The following DTNB variants were observed in gnomAD, a reference collection of about 807,000 sequenced individuals.
DTNB encodes DTN-B.
A neutral mutation model predicts 90.7 loss-of-function variants in DTNB; 63 were observed. The ratio of observed to expected loss-of-function variants is 0.69; its 90% confidence interval spans 0.57 to 0.86. The LOEUF (loss-of-function observed/expected upper bound fraction) is 0.86. Among genes scored for constraint, DTNB ranks in the 40% least tolerant of loss-of-function variants. The probability of loss-of-function intolerance (pLI) is 0.00; values close to 1 mark genes in which losing one functional copy is unlikely to be tolerated. For missense variants in DTNB, 744 were observed against 807.1 expected (o/e 0.92, Z 0.95); for synonymous variants, 277 against 286.7 (o/e 0.97, Z 0.34).
intron 4 of DTNB, among the ~76,000 whole-genome samples, chr2:25,611,945 C>CTT (rs1487580699): frequency 1.3e-5 from 2 of 152,108 alleles, no homozygotes; most frequent in African/African-American, 4.8e-5. Context: ...GTAATTCTTT[C>CTT]TTTCTCTCTA....
chr2:25,638,905 A>G (rs1428106039), intron 3 of DTNB, 109 bp downstream of exon 3: 2 of 1,131,590 alleles, frequency 1.8e-6, no homozygotes, highest in Non-Finnish European at 2.4e-6. Flanking sequence ...TAAATACTTA[A>G]GACAAAAATA....
intron 3 of DTNB, among the ~76,000 whole-genome samples, chr2:25,633,593 G>A (rs2076281191): frequency 6.6e-6 from 1 of 151,928 alleles, no homozygotes; most frequent in Non-Finnish European, 1.5e-5. Context: ...CACCCCGTCT[G>A]GGAAGTGAGG....
chr2:25,387,212 G>T lies in DTNB; in HGVS notation c.1825+77C>A. On this transcript the variant is annotated intron_variant, in intron 18 of 20. Coordinates refer to ENST00000406818, the MANE Select transcript of DTNB (RefSeq NM_021907.5). The surrounding 1 kb of genome is among the most constrained non-coding windows in gnomAD (Gnocchi z 4.5). ...GCAAGCTGGGTGGTGAGGTTCTGCC[G>T]GTGCTGGCAAGGAAGTGAGAAGGGC... 1 of 1,427,284 alleles carries T rather than the reference G, an allele frequency of 7.0e-7. No individual in the cohort carries two copies. Among genetic ancestry groups the T allele is most frequent in the Non-Finnish European group, 9.7e-7 (1 of 1,032,244 alleles). The allele number at this position is 1,427,284 out of a possible 1,614,324, so 88.4% of individuals were successfully genotyped here. A position where few individuals can be genotyped will look rare whatever the true frequency, so the allele number is the denominator to read the frequency against.
intron 18 of DTNB, among the ~76,000 whole-genome samples, chr2:25,386,365 G>A (rs139863099): frequency 2.6e-5 from 4 of 152,308 alleles, no homozygotes; most frequent in African/African-American, 9.6e-5. Flanking sequence ...TGAATCGTCC[G>A]TGGAAAAACT....
intron 16 of DTNB, among the ~76,000 whole-genome samples, chr2:25,413,004 G>T (rs1413246218): frequency 6.6e-6 from 1 of 152,066 alleles, no homozygotes; most frequent in Non-Finnish European, 1.5e-5. Context: ...TGTAAGCACT[G>T]GGCTTTTACT....
At chr2:25,484,914 G>A (rs1001805660) in intron 9 of DTNB, among the ~76,000 whole-genome samples, 9 of 152,180 alleles carry the variant, frequency 5.9e-5, no homozygotes, top group Non-Finnish European at 5.9e-5. Context: ...ACTAATGATC[G>A]AAGTGAACAC....
At chr2:25,441,795 A>G (rs969572786) in intron 12 of DTNB, among the ~76,000 whole-genome samples, 2 of 97,796 alleles carry the variant, frequency 2.0e-5, no homozygotes, top group Non-Finnish European at 4.4e-5. Flanking sequence ...CCTGAATCCT[A>G]AGGAAGAACC....
intron 1 of DTNB, chr2:25,672,666 C>T (rs1259923645): frequency 2.0e-5 from 3 of 152,080 alleles, no homozygotes; most frequent in African/African-American, 7.2e-5. Flanking sequence ...ACATAAAATT[C>T]GACGCTCCTT....
intron 4 of DTNB, among the ~76,000 whole-genome samples, chr2:25,611,772 G>A (rs1412278867): frequency 6.6e-6 from 1 of 152,074 alleles, no homozygotes; most frequent in Admixed American, 6.6e-5. Context: ...CCAGGGGTTT[G>A]GGACCAGCCT....
chr2:25,456,138 T>C (rs528115021), intron 10 of DTNB, among the ~76,000 whole-genome samples: 21 of 152,202 alleles, frequency 1.4e-4, no homozygotes, highest in Non-Finnish European at 2.8e-4. Flanking sequence ...CTTCTAACTT[T>C]TTACTACAGA....
chr2:25,565,738 C>A lies in DTNB; in HGVS notation c.876+11100G>T, dbSNP rs145438883. 2.1e-3 allele frequency among the ~76,000 whole-genome samples: 314 copies of A among 152,152 alleles called. 2 individuals carry two copies. Among genetic ancestry groups the A allele is most frequent in the African/African-American group, 7.3e-3 (302 of 41,478 alleles). On this transcript the variant is annotated intron_variant, in intron 8 of 20. Transcript: ENST00000406818. ...TATTATACTGATTTTTGCATGCAAA[C>A]CAACTTTTGCATTTCAGGGGTAATT...
intron 1 of DTNB, among the ~76,000 whole-genome samples, chr2:25,669,445 T>C (rs918557100): frequency 6.6e-6 from 1 of 152,084 alleles, no homozygotes; most frequent in African/African-American, 2.4e-5. Flanking sequence ...ATTAACACCA[T>C]GAGAGACAGA....
At chr2:25,539,589 T>G (rs1367954335) in intron 8 of DTNB, among the ~76,000 whole-genome samples, 1 of 151,950 alleles carries the variant, frequency 6.6e-6, no homozygotes, top group Non-Finnish European at 1.5e-5. Context: ...TTTTTTTTTT[T>G]TTTTTTAACT....
chr2:25,545,912 G>A (rs770925599), intron 8 of DTNB, among the ~76,000 whole-genome samples: 3 of 152,184 alleles, frequency 2.0e-5, no homozygotes, highest in Non-Finnish European at 2.9e-5. Flanking sequence ...ATGAGCCACC[G>A]TGCCCGGCTT....
chr2:25,436,390 C>T (rs1381436304), intron 12 of DTNB, among the ~76,000 whole-genome samples: 1 of 151,858 alleles, frequency 6.6e-6, no homozygotes, highest in African/African-American at 2.4e-5. Context: ...TAGGTGGTGG[C>T]TCCCTTTTAT....
chr2:25,558,920 C>T (rs2057805806), intron 8 of DTNB, among the ~76,000 whole-genome samples: 1 of 152,128 alleles, frequency 6.6e-6, no homozygotes, highest in Non-Finnish European at 1.5e-5. Context: ...GTCACTTTAG[C>T]TCTAAGTCAG....
intron 6 of DTNB, among the ~76,000 whole-genome samples, chr2:25,589,306 C>T (rs1231412843): frequency 6.6e-6 from 1 of 150,966 alleles, no homozygotes; most frequent in Non-Finnish European, 1.5e-5. Flanking sequence ...TGTCTACTTT[C>T]CTATCTGCTC....
intron 16 of DTNB, among the ~76,000 whole-genome samples, chr2:25,415,342 G>C (rs943174814): frequency 6.6e-6 from 1 of 150,864 alleles, no homozygotes; most frequent in Non-Finnish European, 1.5e-5. Flanking sequence ...CACCTCCCAG[G>C]TTCAAGCGAT....
intron 5 of DTNB, chr2:25,598,737 C>T (rs933741321): frequency 3.9e-5 from 6 of 151,978 alleles, no homozygotes; most frequent in Admixed American, 2.6e-4. Flanking sequence ...AGGATAGGGA[C>T]TGGGGGGCAC....
Sources: gnomAD v4.1 joint callset for allele counts (sites outside exome capture counted in the v4.1 genomes callset) on GRCh38, gnomAD v4.1.1 for gene constraint, Gnocchi (gnomAD v3.1) non-coding constraint, MANE v1.5 for transcripts, NCBI Gene and HGNC (gene_info 2026-07-23, HGNC 2026-07-21) for gene names.